FSTL1: variants seen among roughly 807,000 people sequenced by gnomAD.
FSTL1 encodes follistatin like 1.
In FSTL1, 24 loss-of-function variants were observed where a neutral mutation model predicts 45.9. The ratio of observed to expected loss-of-function variants is 0.52; its 90% confidence interval spans 0.38 to 0.74. FSTL1 has a LOEUF of 0.74. Ranked by LOEUF, FSTL1 falls within the 30% of genes least tolerant of loss-of-function variation. FSTL1 has a pLI of 0.00. For missense variants in FSTL1, 340 were observed against 381.8 expected, an observed-to-expected ratio of 0.89 and a Z score of 0.91; for synonymous variants, 120 against 137.6, an observed-to-expected ratio of 0.87 and a Z score of 0.89.
chr3:120,413,687 T>C (rs1937114626), intron 3 of FSTL1, among the ~76,000 whole-genome samples: 1 of 151,858 alleles, frequency 6.6e-6, no homozygotes, highest in East Asian at 1.9e-4. Flanking sequence ...GTATTTATGT[T>C]CACTTTAGTG....
chr3:120,399,789 C>A (rs1936781704), intron 10 of FSTL1, 94 bp downstream of exon 10: 2 of 771,490 alleles, frequency 2.6e-6, no homozygotes, highest in Non-Finnish European at 4.5e-6. Context: ...CAGAGAGAGC[C>A]TCCTTGGTCT....
chr3:120,424,559 T>C (rs1353985496), intron 2 of FSTL1, among the ~76,000 whole-genome samples: 1 of 152,056 alleles, frequency 6.6e-6, no homozygotes, highest in African/African-American at 2.4e-5. Flanking sequence ...CAGTGGCACA[T>C]GGCAAGAAAT....
intron 2 of FSTL1, among the ~76,000 whole-genome samples, chr3:120,420,468 C>A (rs908972658): frequency 1.3e-5 from 2 of 152,178 alleles, no homozygotes; most frequent in African/African-American, 4.8e-5. Context: ...TAGCTTTATC[C>A]TTCTGCATCA....
intron 2 of FSTL1, among the ~76,000 whole-genome samples, chr3:120,439,943 G>A (rs1937610724): frequency 6.6e-6 from 1 of 152,102 alleles, no homozygotes; most frequent in Admixed American, 6.6e-5. Context: ...GTGAAACCCT[G>A]TCTCCACTAA....
intron 2 of FSTL1, 30 bp from the exon 3 acceptor site, chr3:120,416,057 G>A (rs1241373065): frequency 6.9e-7 from 1 of 1,452,166 alleles, no homozygotes; most frequent in Admixed American, 1.7e-5. Flanking sequence ...AGGAAACCGT[G>A]TGACTGAGAT....
At chr3:120,447,058 C>T (rs1212722176) in intron 2 of FSTL1, among the ~76,000 whole-genome samples, 1 of 152,144 alleles carries the variant, frequency 6.6e-6, no homozygotes, top group African/African-American at 2.4e-5. Context: ...TGCTTGGGTA[C>T]TTGCCAGGGC....
chr3:120,431,599 G>T (rs1021782289), intron 2 of FSTL1, among the ~76,000 whole-genome samples: 2 of 151,994 alleles, frequency 1.3e-5, no homozygotes, highest in South Asian at 4.1e-4. Context: ...AAGGCGAGAC[G>T]ATTCCTTGAG....
chr3:120,405,487 C>T (rs1260045481), intron 6 of FSTL1, among the ~76,000 whole-genome samples: 2 of 152,220 alleles, frequency 1.3e-5, no homozygotes, highest in Admixed American at 1.3e-4. Context: ...TGATTCCAGC[C>T]TCCTTGTCCT....
At chr3:120,431,118 C>T (rs1166060222) in intron 2 of FSTL1, among the ~76,000 whole-genome samples, 1 of 152,100 alleles carries the variant, frequency 6.6e-6, no homozygotes, top group Non-Finnish European at 1.5e-5. Flanking sequence ...ATTATAGGTG[C>T]CTGCCACCAT....
Position 120,409,711 on chromosome 3 carries a change from A to G in FSTL1, c.332-49T>C, listed in dbSNP as rs376662981. Reference sequence around the variant, plus strand: ...GCTGGAGCAGTCAGGGGAGGACCCCAGTGATATCTGGCACCCACTGTGTGG... The same window carrying G: ...GCTGGAGCAGTCAGGGGAGGACCCCGGTGATATCTGGCACCCACTGTGTGG... On this transcript the variant is annotated intron_variant, in intron 5 of 10. Coordinates refer to ENST00000295633, the MANE Select transcript of FSTL1 (RefSeq NM_007085.5). The G allele has an allele frequency of 1.5e-5, 24 of 1,598,536 alleles. No individual in the cohort carries two copies. In the African/African-American group the frequency reaches 2.7e-4, roughly 18 times the overall value.
intron 2 of FSTL1, among the ~76,000 whole-genome samples, chr3:120,428,129 C>T (rs1021769800): frequency 6.6e-6 from 1 of 152,180 alleles, no homozygotes; most frequent in Non-Finnish European, 1.5e-5. Flanking sequence ...TTGCTCTACC[C>T]CTCCTCCACT....
chr3:120,404,798 T>A (rs1283862382), intron 7 of FSTL1, 55 bp downstream of exon 7: 1 of 925,530 alleles, frequency 1.1e-6, no homozygotes, highest in African/African-American at 1.6e-5. Flanking sequence ...TTAAGTCCCC[T>A]CTCTCAGTTA....
At chr3:120,427,844 G>C (rs549070178) in intron 2 of FSTL1, among the ~76,000 whole-genome samples, 3 of 152,328 alleles carry the variant, frequency 2.0e-5, no homozygotes, top group African/African-American at 7.2e-5. Context: ...GTGGGAATGT[G>C]GGGTATCTCA....
chr3:120,433,326 G>C (rs984536439), intron 2 of FSTL1, among the ~76,000 whole-genome samples: 1 of 152,208 alleles, frequency 6.6e-6, no homozygotes, highest in African/African-American at 2.4e-5. Flanking sequence ...CCAAGATTAA[G>C]CAAACTGTTG....
At position 120,395,854 on chromosome 3, in the gene FSTL1, T is replaced by TGAGC; in HGVS notation, c.*1094_*1097dup. 1 of 397,388 alleles carries TGAGC rather than the reference T, an allele frequency of 2.5e-6. No homozygotes were observed. Among genetic ancestry groups the TGAGC allele is most frequent in the Non-Finnish European group, 4.9e-6 (1 of 202,408 alleles). 24.6% of individuals were successfully genotyped at this position (397,388 alleles called of 1,614,324 possible). A position where few individuals can be genotyped will look rare whatever the true frequency, so the allele number is the denominator to read the frequency against. On this transcript the variant is annotated 3_prime_UTR_variant, in exon 11 of 11. Coordinates refer to ENST00000295633, the MANE Select transcript of FSTL1 (RefSeq NM_007085.5). ...CAACTCACCCTCCTAGTTAGTCGAA[T>TGAGC]GAGCATATTGGTAGGCTGGGATATC...
chr3:120,401,588 T>TC (rs1220645466), intron 9 of FSTL1, among the ~76,000 whole-genome samples: 1 of 149,240 alleles, frequency 6.7e-6, no homozygotes, highest in Non-Finnish European at 1.5e-5. Context: ...AAATAAACTT[T>TC]TTTTTTTTTT....
intron 2 of FSTL1, among the ~76,000 whole-genome samples, chr3:120,426,559 G>T (rs1937383232): frequency 6.6e-6 from 1 of 152,294 alleles, no homozygotes; most frequent in African/African-American, 2.4e-5. Flanking sequence ...CAGACCTGCT[G>T]GGAATAGAAT....
At chr3:120,447,458 T>C (rs1233877464) in intron 2 of FSTL1, among the ~76,000 whole-genome samples, 1 of 152,000 alleles carries the variant, frequency 6.6e-6, no homozygotes, top group African/African-American at 2.4e-5. Context: ...ACAGAGTGCA[T>C]GGGTGTGTGT....
At chr3:120,408,914 C>G (rs1043808212) in intron 6 of FSTL1, among the ~76,000 whole-genome samples, 1 of 152,242 alleles carries the variant, frequency 6.6e-6, no homozygotes, top group Admixed American at 6.5e-5. Context: ...GCATGATAAC[C>G]CGAGCCATCA....
Sources: gnomAD v4.1 joint callset for allele counts (sites outside exome capture counted in the v4.1 genomes callset) on GRCh38, gnomAD v4.1.1 for gene constraint, MANE v1.5 for transcripts, NCBI Gene and HGNC (gene_info 2026-07-23, HGNC 2026-07-21) for gene names.